Variants in TNFAIP8L3 observed in about 807,000 individuals in gnomAD.
The protein encoded by TNFAIP8L3 is TNF alpha induced protein 8 like 3.
A neutral mutation model predicts 11.8 loss-of-function variants in TNFAIP8L3; 7 were observed. The observed-to-expected ratio is 0.59, with a 90% CI of 0.34 to 1.11. The LOEUF is 1.11. TNFAIP8L3 is among the 50% of genes most tolerant of loss of function. TNFAIP8L3 has a pLI of 0.03. For synonymous variants in TNFAIP8L3, 98 were observed against 103.8 expected, an observed-to-expected ratio of 0.94 and a Z score of 0.34; for missense variants, 219 against 258.6, an observed-to-expected ratio of 0.85 and a Z score of 1.05.
Position 51,090,489 on chromosome 15 carries a change from T to C in TNFAIP8L3, c.52+4055A>G, listed in dbSNP as rs1325700841. Among the ~76,000 whole-genome samples the C allele has an allele frequency of 2.0e-5, 3 of 152,308 alleles. No individual in the cohort carries two copies. The East Asian group carries it at 5.8e-4, about 29-fold the overall frequency. On this transcript the variant is annotated intron_variant, in intron 1 of 1. Coordinates refer to ENST00000637513, the MANE Select transcript of TNFAIP8L3 (RefSeq NM_001311175.2). ...CTCCAGAAGCCCTGCCAAGACCAAC[T>C]TACTCCCTGTACTCGCTTAGCTTTA...
intron 1 of TNFAIP8L3, among the ~76,000 whole-genome samples, chr15:51,086,057 C>T (rs1416718698): frequency 6.6e-6 from 1 of 152,180 alleles, no homozygotes; most frequent in Non-Finnish European, 1.5e-5. Flanking sequence ...AATTTTCTCT[C>T]CTCAAGTCCT....
At chr15:51,060,249 T>C (rs1274191509) in intron 1 of TNFAIP8L3, among the ~76,000 whole-genome samples, 1 of 152,216 alleles carries the variant, frequency 6.6e-6, no homozygotes, top group Non-Finnish European at 1.5e-5. Context: ...AAAGTTGTTC[T>C]CCAAAAGCAA....
Position 51,058,133 on chromosome 15 carries a change from G to A in TNFAIP8L3, c.363C>T (p.Ser121=), listed in dbSNP as rs1023762380. 1.2e-6 allele frequency: 2 copies of A among 1,614,232 alleles called. No individual in the cohort carries two copies. Among genetic ancestry groups the A allele is most frequent in the African/African-American group, 1.3e-5 (1 of 75,056 alleles). The change falls in exon 2 of 2, where the codon AGC becomes AGT. Residue 121 remains serine (S), a synonymous_variant. Coordinates refer to ENST00000637513, the MANE Select transcript of TNFAIP8L3 (RefSeq NM_001311175.2). ...CGAAGGTGTATTCCACCTCATAGAA[G>A]CTGACAATGGTCATGGCGGTCTGGT... ...KLNQTAMTIV[S]FYEVEYTFDR... is the part of the protein sequence containing the mutation.
chr15:51,103,356 T>C (rs556264390), intron 1 of TNFAIP8L3, among the ~76,000 whole-genome samples: 27 of 152,364 alleles, frequency 1.8e-4, no homozygotes, highest in African/African-American at 6.5e-4. Flanking sequence ...TCAAACATTA[T>C]TGCAGAGAAG....
intron 1 of TNFAIP8L3, among the ~76,000 whole-genome samples, chr15:51,099,980 C>T (rs2065539416): frequency 6.6e-6 from 1 of 151,204 alleles, no homozygotes; most frequent in Non-Finnish European, 1.5e-5. Context: ...TAGCAAAAAT[C>T]TGAAACAAAC....
At chr15:51,097,490 C>T (rs2065521994), upstream of TNFAIP8L3, among the ~76,000 whole-genome samples, 1 of 152,132 alleles carries the variant, frequency 6.6e-6, no homozygotes, top group Non-Finnish European at 1.5e-5. Context: ...TTTACCTGCT[C>T]CTATATTCAT....
intron 1 of TNFAIP8L3, among the ~76,000 whole-genome samples, chr15:51,073,101 A>G (rs532577586): frequency 3.4e-5 from 5 of 147,646 alleles, no homozygotes; most frequent in African/African-American, 1.3e-4. Context: ...GTTTCAAGCG[A>G]TTCTTCTGCC....
At chr15:51,058,514 A>G in intron 1 of TNFAIP8L3, 71 bp from the exon 2 acceptor site, 1 of 1,304,336 alleles carries the variant, frequency 7.7e-7, no homozygotes, top group Non-Finnish European at 1.0e-6. Context: ...CACAAGTAAA[A>G]CACACTAACT....
chr15:51,086,581 G>A (rs1433278050), intron 1 of TNFAIP8L3, among the ~76,000 whole-genome samples: 2 of 152,160 alleles, frequency 1.3e-5, no homozygotes, highest in Non-Finnish European at 2.9e-5. Flanking sequence ...AAGAGTCTCT[G>A]GAGTTAGACT....
At chr15:51,085,621 C>CTTTT (rs201800961) in intron 1 of TNFAIP8L3, among the ~76,000 whole-genome samples, 1 of 140,342 alleles carries the variant, frequency 7.1e-6, no homozygotes, top group Non-Finnish European at 1.6e-5. Context: ...AGCTCCGATT[C>CTTTT]TTTTTTTTTT....
chr15:51,058,318 G>A lies in TNFAIP8L3; in HGVS notation c.178C>T (p.Leu60Phe). 4 of 1,614,128 alleles carry A rather than the reference G, an allele frequency of 2.5e-6. No homozygotes were observed. Among genetic ancestry groups the A allele is most frequent in the African/African-American group, 1.3e-5 (1 of 75,018 alleles). Reference sequence around the variant, plus strand: ...GTGTGCTCTTTGGTGACTTTGTAGAGCTCATCAAAGATCTCGCTGCTGGTG... The same window carrying A: ...GTGTGCTCTTTGGTGACTTTGTAGAACTCATCAAAGATCTCGCTGCTGGTG... Reference protein sequence around the residue: ...DDTSSEIFDELYKVTKEHTHN... With the variant: ...DDTSSEIFDEFYKVTKEHTHN... Residue 60 changes from leucine to phenylalanine, a missense_variant, in exon 2 of 2, where the codon CTC becomes TTC. Coordinates refer to ENST00000637513, the MANE Select transcript of TNFAIP8L3 (RefSeq NM_001311175.2).
chr15:51,087,324 C>T (rs2065436468), intron 1 of TNFAIP8L3, among the ~76,000 whole-genome samples: 1 of 152,186 alleles, frequency 6.6e-6, no homozygotes, highest in Non-Finnish European at 1.5e-5. Context: ...AGATGGCTCC[C>T]CTCACCTACC....
chr15:51,089,901 CA>C lies in TNFAIP8L3; in HGVS notation c.52+4642del, dbSNP rs1294590474. Among the ~76,000 whole-genome samples, 5 of 152,220 alleles carry C rather than the reference CA, an allele frequency of 3.3e-5. No homozygotes were observed. In the East Asian group the frequency reaches 9.6e-4, roughly 29 times the overall value. ...GAATATGACTAATAACCAAATGGCA[CA>C]TCATTCCCAGGCTGTCCTTGCCCTT... is the stretch of plus-strand genomic sequence containing the variant. On this transcript the variant is annotated intron_variant, in intron 1 of 1. Transcript: ENST00000637513.
intron 1 of TNFAIP8L3, among the ~76,000 whole-genome samples, chr15:51,070,981 G>A (rs1442461411): frequency 3.5e-5 from 5 of 143,814 alleles, no homozygotes; most frequent in Admixed American, 2.1e-4. Flanking sequence ...AACCCGGGAG[G>A]TGGAGCTTGC....
At chr15:51,067,547 A>G (rs1024465516) in intron 1 of TNFAIP8L3, among the ~76,000 whole-genome samples, 1 of 152,234 alleles carries the variant, frequency 6.6e-6, no homozygotes, top group Non-Finnish European at 1.5e-5. Context: ...CTAATATTTA[A>G]TACACAGACA....
At chr15:51,059,838 G>A (rs893616061) in intron 1 of TNFAIP8L3, among the ~76,000 whole-genome samples, 13 of 152,218 alleles carry the variant, frequency 8.5e-5, no homozygotes, top group African/African-American at 2.2e-4. Flanking sequence ...ACAGAGCGAC[G>A]GCCACATGCC....
chr15:51,104,179 TC>T (rs1336310954), intron 1 of TNFAIP8L3, among the ~76,000 whole-genome samples: 4 of 152,190 alleles, frequency 2.6e-5, no homozygotes, highest in Non-Finnish European at 5.9e-5. Context: ...CCTATCAACA[TC>T]TGATGCTATT....
chr15:51,097,854 T>TGC (rs1555469079), upstream of TNFAIP8L3, among the ~76,000 whole-genome samples: 5 of 151,166 alleles, frequency 3.3e-5, no homozygotes, highest in African/African-American at 1.2e-4. Context: ...ATATTTCTTG[T>TGC]GGGGGGGGAA....
intron 1 of TNFAIP8L3, among the ~76,000 whole-genome samples, 184 bp from the exon 2 acceptor site, chr15:51,058,627 A>G (rs1191834085): frequency 6.6e-6 from 1 of 152,110 alleles, no homozygotes; most frequent in Non-Finnish European, 1.5e-5. Context: ...TCCACATGAT[A>G]TGCTTTGTTT....
Sources: allele counts gnomAD v4.1 joint callset (sites outside exome capture counted in the v4.1 genomes callset), GRCh38; gene constraint gnomAD v4.1.1; transcripts MANE v1.5; gene names NCBI Gene and HGNC (gene_info 2026-07-23, HGNC 2026-07-21).